Variants in GPATCH2L observed in about 807,000 individuals in gnomAD.
GPATCH2L encodes G-patch domain containing 2 like.
GPATCH2L carries 31 observed loss-of-function variants against 57.4 expected under a neutral mutation model. The observed-to-expected ratio is 0.54, with a 90% CI of 0.41 to 0.73. GPATCH2L has a LOEUF of 0.73. Among genes scored for constraint, GPATCH2L ranks in the 30% least tolerant of loss-of-function variants. The pLI is 0.00. For missense variants in GPATCH2L, 481 were observed against 599.9 expected (o/e 0.80, Z 2.07); for synonymous variants, 199 against 210.7 (o/e 0.94, Z 0.48).
intron 1 of GPATCH2L, among the ~76,000 whole-genome samples, chr14:76,221,967 A>G (rs1396476522): frequency 6.6e-6 from 1 of 152,218 alleles, no homozygotes; most frequent in Non-Finnish European, 1.5e-5. Context: ...TGTATCAACT[A>G]TGGACTTTGG....
intron 3 of GPATCH2L, among the ~76,000 whole-genome samples, chr14:76,170,225 A>G (rs2039024113): frequency 6.6e-6 from 1 of 152,178 alleles, no homozygotes; most frequent in Non-Finnish European, 1.5e-5. Flanking sequence ...TGACCCATGA[A>G]TCTCATACTT....
intron 8 of GPATCH2L, among the ~76,000 whole-genome samples, chr14:76,184,669 G>A (rs2039701197): frequency 6.6e-6 from 1 of 152,138 alleles, no homozygotes; most frequent in South Asian, 2.1e-4. Context: ...AGAGTTTTGT[G>A]GTCTTTGTAC....
At chr14:76,170,686 C>T (rs566406684) in intron 3 of GPATCH2L, 1 of 152,058 alleles carries the variant, frequency 6.6e-6, no homozygotes, top group East Asian at 1.9e-4. Flanking sequence ...TCTTTATTCA[C>T]CTTTTATGAT....
chr14:76,180,916 A>G (rs2039537467), intron 8 of GPATCH2L, 67 bp downstream of exon 8: 1 of 931,844 alleles, frequency 1.1e-6, no homozygotes, highest in Non-Finnish European at 1.8e-6. Flanking sequence ...TTACCCCTCA[A>G]ATTATAGAGT....
chr14:76,169,488 G>T (rs1456149429), intron 3 of GPATCH2L, among the ~76,000 whole-genome samples: 1 of 152,166 alleles, frequency 6.6e-6, no homozygotes, highest in East Asian at 1.9e-4. Context: ...TTCTAGAGGA[G>T]CCAGAGGTCA....
In GPATCH2L at chr14:76,213,833, C is replaced by G. The variant is rs2139852399; in HGVS notation, c.*11982C>G. 1 of 152,244 alleles carries G rather than the reference C, an allele frequency of 6.6e-6. No individual in the cohort carries two copies. Among genetic ancestry groups the G allele is most frequent in the African/African-American group, 2.4e-5 (1 of 41,546 alleles). 9.4% of individuals were successfully genotyped at this position (152,244 alleles called of 1,614,324 possible). A position where few individuals can be genotyped will look rare whatever the true frequency, so the allele number is the denominator to read the frequency against. ...CTAGGAAATTAACATTGGCACAATC[C>G]TATTAACTACATACTTTATTTGAAT... is the stretch of plus-strand genomic sequence containing the variant. On this transcript the variant is annotated 3_prime_UTR_variant, in exon 10 of 10. Coordinates refer to ENST00000261530, the MANE Select transcript of GPATCH2L (RefSeq NM_017926.4).
At chr14:76,194,484 A>AGTGTGT (rs59406744) in intron 8 of GPATCH2L, among the ~76,000 whole-genome samples, 1,936 of 151,006 alleles carry the variant, frequency 0.013, 11 homozygotes, top group South Asian at 0.022. Context: ...GAGACATGAA[A>AGTGTGT]GTGTGTGTGT....
chr14:76,189,532 G>A (rs895660902), intron 8 of GPATCH2L, among the ~76,000 whole-genome samples: 34 of 152,048 alleles, frequency 2.2e-4, no homozygotes, highest in African/African-American at 7.5e-4. Flanking sequence ...AAATGCTACT[G>A]AATTTTTTGT....
In GPATCH2L at chr14:76,158,911, TAA is replaced by T. The variant is rs141891880; in HGVS notation, c.662+3889_662+3890del. On this transcript the variant is annotated intron_variant, in intron 2 of 9. Transcript: ENST00000261530. The stretch of plus-strand genomic sequence containing the variant: ...TCTCTTGAAAGAAACATCCATCTCG[TAA>T]AAGAGTCTACCTCTTAAAAGAAATA... Among the ~76,000 whole-genome samples, 521 of 152,296 alleles carry T rather than the reference TAA, an allele frequency of 3.4e-3. 4 individuals carry two copies. Among genetic ancestry groups the T allele is most frequent in the African/African-American group, 0.012 (483 of 41,550 alleles).
At chr14:76,234,751 G>C (rs2040590032) in intron 2 of GPATCH2L, 1 of 152,402 alleles carries the variant, frequency 6.6e-6, no homozygotes, top group South Asian at 2.1e-4. Context: ...GATAGCAGCT[G>C]GTGAAACCCT....
At chr14:76,232,007 G>GATCACTGCAGC (rs2040569696) in intron 2 of GPATCH2L, among the ~76,000 whole-genome samples, 2 of 78,310 alleles carry the variant, frequency 2.6e-5, no homozygotes, top group Non-Finnish European at 2.7e-5. Context: ...CTCACTGCAG[G>GATCACTGCAGC]CTCAAGCAAT....
chr14:76,195,799 A>C, intron 8 of GPATCH2L, 79 bp from the exon 9 acceptor site: 1 of 1,078,556 alleles, frequency 9.3e-7, no homozygotes, highest in Non-Finnish European at 1.4e-6. Flanking sequence ...TAGGTTAAGG[A>C]TTTAATCTGG....
At chr14:76,184,367 C>G (rs1196071844) in intron 8 of GPATCH2L, among the ~76,000 whole-genome samples, 2 of 152,028 alleles carry the variant, frequency 1.3e-5, no homozygotes, top group Non-Finnish European at 2.9e-5. Context: ...TCCCTCCTGT[C>G]AGGTTACTGA....
At chr14:76,182,366 A>AAG (rs1249323480) in intron 8 of GPATCH2L, among the ~76,000 whole-genome samples, 35 of 140,514 alleles carry the variant, frequency 2.5e-4, no homozygotes, top group South Asian at 6.9e-4. Context: ...CAGAAAAGAA[A>AAG]AAAAAAAAAA....
At chr14:76,233,537 G>A (rs7144573) in intron 2 of GPATCH2L, among the ~76,000 whole-genome samples, 121,383 of 152,096 alleles carry the variant, frequency 0.8, 48,535 homozygotes, top group Non-Finnish European at 0.83. Context: ...CCCCACAACC[G>A]TCAATCAACT....
intron 8 of GPATCH2L, among the ~76,000 whole-genome samples, chr14:76,186,347 A>G (rs1206449062): frequency 6.6e-6 from 1 of 152,184 alleles, no homozygotes; most frequent in Non-Finnish European, 1.5e-5. Context: ...CACAAACGTT[A>G]TGATCTGCAT....
chr14:76,155,143 A>C (rs2038245594), intron 2 of GPATCH2L, 118 bp downstream of exon 2: 1 of 758,208 alleles, frequency 1.3e-6, no homozygotes, highest in African/African-American at 1.8e-5. Context: ...TTGACTTTGA[A>C]GCCTTCCTTG....
intron 5 of GPATCH2L, 76 bp from the exon 6 acceptor site, chr14:76,176,547 T>C: frequency 2.9e-6 from 3 of 1,031,844 alleles, no homozygotes; most frequent in Non-Finnish European, 4.6e-6. Context: ...GGCACAGTTA[T>C]GGGAAAGATT....
Position 76,154,363 on chromosome 14 carries a change from C to A in GPATCH2L, c.-1C>A, listed in dbSNP as rs2038193937. 2 of 1,572,164 alleles carry A rather than the reference C, an allele frequency of 1.3e-6. No homozygotes were observed. The highest frequency in any genetic ancestry group is 2.7e-5 in the African/African-American group (2 of 73,504). ...AACTTCCTTTTGGCAGATGTGGCCT[C>A]ATGGATGAGCTGGTACACGACTTAG... is the stretch of plus-strand genomic sequence containing the variant. On this transcript the variant is annotated 5_prime_UTR_variant, in exon 2 of 10. Coordinates refer to ENST00000261530, the MANE Select transcript of GPATCH2L (RefSeq NM_017926.4). The surrounding 1 kb of genome is among the most constrained non-coding windows in gnomAD (Gnocchi z 4.4).
Sources: allele counts gnomAD v4.1 joint callset (sites outside exome capture counted in the v4.1 genomes callset), GRCh38; gene constraint gnomAD v4.1.1; non-coding constraint Gnocchi (gnomAD v3.1); transcripts MANE v1.5; gene names NCBI Gene and HGNC (gene_info 2026-07-23, HGNC 2026-07-21).